The following GHRHR variants were observed in gnomAD, a reference collection of about 807,000 sequenced individuals.
GHRHR encodes growth hormone releasing hormone receptor, also known as growth hormone-releasing hormone receptor.
GHRHR carries 40 observed loss-of-function variants against 58.3 expected under a neutral mutation model. That is an observed-to-expected ratio of 0.69 (90% CI 0.53 to 0.89). GHRHR has a LOEUF of 0.89. GHRHR is among the 40% of genes least tolerant of loss of function. The pLI is 0.00. For synonymous variants in GHRHR, 249 were observed against 216.6 expected, an observed-to-expected ratio of 1.15 and a Z score of -1.31; for missense variants, 551 against 541.3, an observed-to-expected ratio of 1.02 and a Z score of -0.18.
At position 30,975,854 on chromosome 7, in the gene GHRHR, C is replaced by G; in HGVS notation, c.960C>G (p.Thr320=). Residue 320 remains threonine, a synonymous_variant, in exon 10 of 13, where the codon ACC becomes ACG. Coordinates refer to ENST00000326139, the MANE Select transcript of GHRHR (RefSeq NM_000823.4). ...KLEPAQGSLH[T]QSQYWRLSKS... Reference sequence around the variant, plus strand: ...AGCCAGCTCAGGGCAGCCTCCATACCCAGTCTCAGTATTGGTACTGTGTGT... The same window carrying G: ...AGCCAGCTCAGGGCAGCCTCCATACGCAGTCTCAGTATTGGTACTGTGTGT... 6.3e-7 allele frequency: 1 copy of G among 1,591,496 alleles called. No individual in the cohort carries two copies. Among genetic ancestry groups the G allele is most frequent in the Non-Finnish European group, 8.6e-7 (1 of 1,159,382 alleles).
Position 30,977,277 on chromosome 7 carries a change from A to C in GHRHR, c.1105-4A>C, listed in dbSNP as rs764815149. ...GATGGGGTCTTTCTTCTTTGGACCC[A>C]CAGGGCTTCATTGTTGCCATCCTCT... On this transcript the variant is annotated splice_polypyrimidine_tract_variant and splice_region_variant and intron_variant, in intron 11 of 12. Coordinates refer to ENST00000326139, the MANE Select transcript of GHRHR (RefSeq NM_000823.4). 5 of 1,613,906 alleles carry C rather than the reference A, an allele frequency of 3.1e-6. No individual in the cohort carries two copies. Among genetic ancestry groups the C allele is most frequent in the Non-Finnish European group, 4.2e-6 (5 of 1,179,892 alleles).
rs143019607 is a variant in GHRHR at position 30,976,962 on chromosome 7, A to G, written c.1105-319A>G. On this transcript the variant is annotated intron_variant, in intron 11 of 12. Transcript: ENST00000326139. Reference sequence around the variant, plus strand: ...CATCTATCCATCCATCTATCCATCCATCCACCCATCCATCCAATCTATTCA... The same window carrying G: ...CATCTATCCATCCATCTATCCATCCGTCCACCCATCCATCCAATCTATTCA... Among the ~76,000 whole-genome samples, 34 of 148,346 alleles carry G rather than the reference A, an allele frequency of 2.3e-4. No individual in the cohort carries two copies. The East Asian group carries it at 6.5e-3, about 28-fold the overall frequency.
intron 1 of GHRHR, among the ~76,000 whole-genome samples, chr7:30,965,066 T>C (rs3779248): frequency 0.09 from 13,674 of 152,242 alleles, 655 homozygotes; most frequent in South Asian, 0.13. Context: ...GTCTTGCTTT[T>C]ATCTCTTTTG....
rs1373150340 is a variant in GHRHR at position 30,974,466 on chromosome 7, C to T, written c.789C>T (p.Cys263=). 6.8e-6 allele frequency: 11 copies of T among 1,612,980 alleles called. No homozygotes were observed. Among genetic ancestry groups the T allele is most frequent in the Non-Finnish European group, 8.5e-6 (10 of 1,179,018 alleles). Residue 263 remains cysteine, a synonymous_variant, in exon 8 of 13, where the codon TGC becomes TGT. Coordinates refer to ENST00000326139, the MANE Select transcript of GHRHR (RefSeq NM_000823.4). ...PVLFTGTWVS[C]KLAFEDIACW... ...TCTTCACTGGCACGTGGGTGAGCTGCAAACTGGCCTTCGAGGACATCGCGT... is the reference window on the plus strand; with the variant it reads ...TCTTCACTGGCACGTGGGTGAGCTGTAAACTGGCCTTCGAGGACATCGCGT...
chr7:30,971,897 T>C (rs1792487278), intron 5 of GHRHR, 66 bp from the exon 6 acceptor site: 2 of 1,494,778 alleles, frequency 1.3e-6, no homozygotes, highest in Non-Finnish European at 1.9e-6. Flanking sequence ...TTCAGCCCAG[T>C]TGCAGCACAC....
At position 30,968,930 on chromosome 7, in the gene GHRHR, A is replaced by T; in HGVS notation, c.154A>T (p.Thr52Ser). Reference protein sequence around the residue: ...LQAAEEMPNTTLGCPATWDGL... With the variant: ...LQAAEEMPNTSLGCPATWDGL... Reference sequence around the variant, plus strand: ...AGCAGCAGAGGAGATGCCCAACACCACCCTGGGTATGGGGCCTAGGAGGCA... The same window carrying T: ...AGCAGCAGAGGAGATGCCCAACACCTCCCTGGGTATGGGGCCTAGGAGGCA... The change falls in exon 2 of 13, where the codon ACC becomes TCC. Residue 52 changes from threonine to serine, a missense_variant. Transcript: ENST00000326139. 6.2e-7 allele frequency: 1 copy of T among 1,608,146 alleles called. No individual in the cohort carries two copies.
At chr7:30,968,484 T>A (rs1792400700) in intron 1 of GHRHR, among the ~76,000 whole-genome samples, 3 of 152,014 alleles carry the variant, frequency 2.0e-5, no homozygotes, top group South Asian at 2.1e-4. Flanking sequence ...ACCAACTTCC[T>A]CTTTTCCGGG....
chr7:30,974,304 G>A, intron 7 of GHRHR, 125 bp from the exon 8 acceptor site: 1 of 1,108,374 alleles, frequency 9.0e-7, no homozygotes, highest in East Asian at 2.4e-5. Flanking sequence ...CCCTGGCTCT[G>A]GGGTCCTGCC....
At chr7:30,971,331 C>A in intron 5 of GHRHR, 115 bp downstream of exon 5, 1 of 704,256 alleles carries the variant, frequency 1.4e-6, no homozygotes, top group East Asian at 2.7e-5. Flanking sequence ...GGCGCCATAC[C>A]CATGTCTAAC....
intron 1 of GHRHR, among the ~76,000 whole-genome samples, chr7:30,966,491 G>A (rs1485485331): frequency 2.0e-5 from 3 of 152,124 alleles, no homozygotes; most frequent in Non-Finnish European, 2.9e-5. Flanking sequence ...CCTTGCACAT[G>A]CTGTGCTTTC....
At chr7:30,969,835 G>A in intron 3 of GHRHR, 32 bp from the exon 4 acceptor site, 1 of 1,611,864 alleles carries the variant, frequency 6.2e-7, no homozygotes, top group African/African-American at 1.3e-5. Context: ...GAGGGAAGGA[G>A]TTGTGGCTAG....
intron 6 of GHRHR, 104 bp downstream of exon 6, chr7:30,972,199 C>T: frequency 7.8e-7 from 1 of 1,286,646 alleles, no homozygotes; most frequent in Non-Finnish European, 1.1e-6. Context: ...TGGGCTGACC[C>T]TGGGGCTCCC....
At position 30,968,891 on chromosome 7, in the gene GHRHR, A is replaced by C. The variant is rs1562592764; in HGVS notation, c.115A>C (p.Ser39Arg). Residue 39 changes from serine (S) to arginine (R), a missense_variant, in exon 2 of 13, where the codon AGT becomes CGT. By Grantham distance (110) the Ser-to-Arg change is moderately radical. Transcript: ENST00000326139. Reference sequence around the variant, plus strand: ...CATCACCCAGCTGAGAGAGGATGAGAGTGCCTGTCTACAAGCAGCAGAGGA... The same window carrying C: ...CATCACCCAGCTGAGAGAGGATGAGCGTGCCTGTCTACAAGCAGCAGAGGA... ...DFITQLREDE[S>R]ACLQAAEEMP... The C allele has an allele frequency of 1.1e-5, 17 of 1,613,738 alleles. No homozygotes were observed. The highest frequency in any genetic ancestry group is 1.4e-5 in the Non-Finnish European group (16 of 1,179,888).
intron 6 of GHRHR, 162 bp downstream of exon 6, chr7:30,972,257 C>G: frequency 1.4e-6 from 1 of 697,378 alleles, no homozygotes; most frequent in Non-Finnish European, 2.5e-6. Flanking sequence ...CATGTCACCC[C>G]CTAAGTCCTC....
Position 30,975,022 on chromosome 7 carries a change from C to A in GHRHR, c.864C>A (p.Pro288=). Residue 288 remains proline, a synonymous_variant, in exon 9 of 13, where the codon CCC becomes CCA. Transcript: ENST00000326139. ...TSPYWWIIKG[P]IVLSVGVNFG... ...CCTACTGGTGGATCATCAAAGGGCC[C>A]ATTGTCCTCTCGGTCGGGGTCAGTC... 1 of 1,612,126 alleles carries A rather than the reference C, an allele frequency of 6.2e-7. No individual in the cohort carries two copies. The highest frequency in any genetic ancestry group is 8.5e-7 in the Non-Finnish European group (1 of 1,178,204).
chr7:30,976,333 T>C, intron 10 of GHRHR, 96 bp from the exon 11 acceptor site: 1 of 1,126,980 alleles, frequency 8.9e-7, no homozygotes, highest in Non-Finnish European at 1.3e-6. Flanking sequence ...TTCCACAGAG[T>C]GGATATAGGG....
chr7:30,973,983 A>T lies in GHRHR; in HGVS notation c.598-2A>T. 6.2e-7 allele frequency: 1 copy of T among 1,612,774 alleles called. No homozygotes were observed. Among genetic ancestry groups the T allele is most frequent in the Non-Finnish European group, 8.5e-7 (1 of 1,179,814 alleles). ...CTGAAGCACCCAGGTCCTGGCCCCC[A>T]GGTTCTATGCAAGGTCTCTGTGGCC... On this transcript the variant is annotated splice_acceptor_variant, in intron 6 of 12. Coordinates refer to ENST00000326139, the MANE Select transcript of GHRHR (RefSeq NM_000823.4). LOFTEE classifies it high-confidence loss of function.
chr7:30,971,006 A>G, intron 4 of GHRHR, 113 bp from the exon 5 acceptor site: 2 of 706,894 alleles, frequency 2.8e-6, no homozygotes, highest in African/African-American at 1.7e-5. Flanking sequence ...CTCTGCCTCC[A>G]GATGGGGAGT....
chr7:30,971,694 G>A (rs1454924471), intron 5 of GHRHR, among the ~76,000 whole-genome samples: 3 of 152,078 alleles, frequency 2.0e-5, no homozygotes, highest in African/African-American at 2.4e-5. Context: ...AGTACCTGCC[G>A]TTTCTGCCTC....
Sources: allele counts gnomAD v4.1 joint callset (sites outside exome capture counted in the v4.1 genomes callset), GRCh38; gene constraint gnomAD v4.1.1; transcripts MANE v1.5; gene names NCBI Gene and HGNC (gene_info 2026-07-23, HGNC 2026-07-21).